ADAMTSL1: variants seen among roughly 807,000 people sequenced by gnomAD.
ADAMTSL1 encodes ADAMTS-like protein 1.
ADAMTSL1 carries 126 observed loss-of-function variants against 201.8 expected under a neutral mutation model. The observed-to-expected ratio is 0.62, with a 90% CI of 0.54 to 0.72. ADAMTSL1 has a LOEUF of 0.72. Among genes scored for constraint, ADAMTSL1 ranks in the 30% least tolerant of loss-of-function variants. The pLI is 0.00. For synonymous variants in ADAMTSL1, 1,121 were observed against 903.4 expected (o/e 1.24, Z -4.32); for missense variants, 2,679 against 2,277.8 (o/e 1.18, Z -3.59).
intron 1 of ADAMTSL1, among the ~76,000 whole-genome samples, chr9:17,982,707 C>T (rs1041515451): frequency 2.0e-5 from 3 of 152,142 alleles, no homozygotes; most frequent in Non-Finnish European, 4.4e-5. Context: ...GTTTAAATGG[C>T]AGAATCAGTT....
At chr9:18,699,975 T>C (rs1831827090) in intron 13 of ADAMTSL1, among the ~76,000 whole-genome samples, 1 of 152,222 alleles carries the variant, frequency 6.6e-6, no homozygotes, top group Admixed American at 6.5e-5. Flanking sequence ...CATGATTTAT[T>C]TGCAGTTCCA....
intron 25 of ADAMTSL1, 65 bp from the exon 26 acceptor site, chr9:18,892,324 A>AT (rs1425246396): frequency 1.3e-6 from 2 of 1,493,682 alleles, no homozygotes; most frequent in African/African-American, 2.8e-5. Context: ...GTCGGTGGGG[A>AT]GGAGGTCTCT....
intron 1 of ADAMTSL1, among the ~76,000 whole-genome samples, chr9:18,092,843 G>A (rs542297681): frequency 1.3e-4 from 20 of 152,202 alleles, no homozygotes; most frequent in Non-Finnish European, 4.4e-5. Flanking sequence ...GATTTGTAAT[G>A]AAAATATTTC....
At chr9:18,017,772 T>A (rs1264320466) in intron 1 of ADAMTSL1, among the ~76,000 whole-genome samples, 2 of 152,008 alleles carry the variant, frequency 1.3e-5, no homozygotes, top group African/African-American at 4.8e-5. Flanking sequence ...TTTATGTGGT[T>A]CTGTTTCTTT....
intron 3 of ADAMTSL1, among the ~76,000 whole-genome samples, chr9:18,547,013 T>C (rs2132193411): frequency 6.6e-6 from 1 of 152,278 alleles, no homozygotes; most frequent in East Asian, 1.9e-4. Flanking sequence ...AAATGTCTAT[T>C]CTGTACAATT....
At position 18,120,303 on chromosome 9, in the gene ADAMTSL1, G is replaced by A. The variant is rs1352918213; in HGVS notation, c.88-43559G>A. 2.0e-5 allele frequency among the ~76,000 whole-genome samples: 3 copies of A among 152,344 alleles called. 1 individual carries two copies. The highest frequency in any genetic ancestry group is 4.4e-5 in the Non-Finnish European group (3 of 68,030). ...GAGTGATTCCAGAGAGCATACAACAGAGCCCAAGATGGAAGCTGTAGTGTC... is the reference window on the plus strand; with the variant it reads ...GAGTGATTCCAGAGAGCATACAACAAAGCCCAAGATGGAAGCTGTAGTGTC... On this transcript the variant is annotated intron_variant, in intron 1 of 29. Transcript: ENST00000680146.
intron 3 of ADAMTSL1, among the ~76,000 whole-genome samples, chr9:18,542,019 C>G (rs1224019612): frequency 6.6e-6 from 1 of 152,126 alleles, no homozygotes; most frequent in Non-Finnish European, 1.5e-5. Flanking sequence ...TTGTGTGGCA[C>G]CATCCCAAGG....
chr9:17,940,533 C>G (rs745786474), intron 1 of ADAMTSL1, among the ~76,000 whole-genome samples: 17 of 151,934 alleles, frequency 1.1e-4, no homozygotes, highest in Non-Finnish European at 1.3e-4. Context: ...CAGATAGCAT[C>G]TACTTGTTGA....
intron 1 of ADAMTSL1, among the ~76,000 whole-genome samples, chr9:17,972,978 A>G (rs201030074): frequency 6.7e-6 from 1 of 148,798 alleles, no homozygotes. Flanking sequence ...AGAAGTGTGT[A>G]TTCATATCCT....
intron 1 of ADAMTSL1, among the ~76,000 whole-genome samples, chr9:17,980,037 G>T (rs900489382): frequency 6.6e-6 from 1 of 152,090 alleles, no homozygotes; most frequent in African/African-American, 2.4e-5. Flanking sequence ...GTAAAGTTTT[G>T]TGCTAACTTC....
At chr9:17,916,429 A>G (rs1231202885) in intron 1 of ADAMTSL1, among the ~76,000 whole-genome samples, 1 of 152,196 alleles carries the variant, frequency 6.6e-6, no homozygotes, top group African/African-American at 2.4e-5. Flanking sequence ...GTTGTCTTCT[A>G]GAAGTTTTAT....
chr9:18,889,713 G>A lies in ADAMTSL1; in HGVS notation c.4608G>A (p.Gln1536=). ...CAGGGAAGGTTCGCCCTGCGGTGCA[G>A]CCCATCGCGTGCAACCGGAGAGACT... The part of the protein sequence containing the change: ...HCAGKVRPAV[Q]PIACNRRDCP... The change falls in exon 25 of 29, where the codon CAG becomes CAA. Residue 1536 remains glutamine (Q), a synonymous_variant. Coordinates refer to ENST00000380548, the MANE Select transcript of ADAMTSL1 (RefSeq NM_001040272.6). 2 of 1,555,824 alleles carry A rather than the reference G, an allele frequency of 1.3e-6. No individual in the cohort carries two copies. Among genetic ancestry groups the A allele is most frequent in the Non-Finnish European group, 8.7e-7 (1 of 1,150,524 alleles).
intron 14 of ADAMTSL1, among the ~76,000 whole-genome samples, chr9:18,708,990 A>G (rs1313305851): frequency 1.3e-5 from 2 of 152,242 alleles, no homozygotes; most frequent in South Asian, 2.1e-4. Flanking sequence ...TTGAGATACA[A>G]TTGATCTCTA....
intron 1 of ADAMTSL1, among the ~76,000 whole-genome samples, chr9:18,134,597 G>A (rs901744261): frequency 6.6e-6 from 1 of 152,132 alleles, no homozygotes; most frequent in Non-Finnish European, 1.5e-5. Context: ...ACATTTAACT[G>A]AAGCACACAT....
intron 2 of ADAMTSL1, among the ~76,000 whole-genome samples, chr9:18,200,285 T>G (rs1341280950): frequency 6.6e-6 from 1 of 151,994 alleles, no homozygotes; most frequent in African/African-American, 2.4e-5. Flanking sequence ...AAAAAAAAAT[T>G]TGTACACAAG....
intron 20 of ADAMTSL1, among the ~76,000 whole-genome samples, chr9:18,805,150 T>C (rs1238342308): frequency 6.6e-6 from 1 of 152,230 alleles, no homozygotes; most frequent in Non-Finnish European, 1.5e-5. Context: ...CTAGCATTTC[T>C]AGAAGTGGGT....
intron 2 of ADAMTSL1, among the ~76,000 whole-genome samples, chr9:18,187,978 G>A (rs1349103057): frequency 6.6e-6 from 1 of 152,090 alleles, no homozygotes; most frequent in Non-Finnish European, 1.5e-5. Context: ...AAGAACATGA[G>A]GTTTTGATGG....
intron 1 of ADAMTSL1, among the ~76,000 whole-genome samples, chr9:17,949,343 C>T (rs978535467): frequency 6.6e-6 from 1 of 152,036 alleles, no homozygotes; most frequent in African/African-American, 2.4e-5. Context: ...AAGGGCTTGC[C>T]TTGTAAGTTT....
chr9:18,632,554 T>G (rs1434876144), intron 5 of ADAMTSL1, among the ~76,000 whole-genome samples: 2 of 152,180 alleles, frequency 1.3e-5, no homozygotes, highest in African/African-American at 4.8e-5. Context: ...TATTTTGTAT[T>G]TCCCCCATAT....
Sources: allele counts gnomAD v4.1 joint callset (sites outside exome capture counted in the v4.1 genomes callset), GRCh38; gene constraint gnomAD v4.1.1; transcripts MANE v1.5; gene names NCBI Gene and HGNC (gene_info 2026-07-23, HGNC 2026-07-21).